Variants in EHBP1 observed in about 807,000 individuals in gnomAD.
EHBP1 encodes the protein EH domain-binding protein 1.
Under a neutral mutation model 144.0 loss-of-function variants are expected in EHBP1, and 55 were observed. The observed-to-expected ratio is 0.38, with a 90% CI of 0.31 to 0.48. The LOEUF (loss-of-function observed/expected upper bound fraction) is 0.48. Ranked by LOEUF, EHBP1 falls within the 20% of genes least tolerant of loss-of-function variation. The pLI is 0.98. For synonymous variants in EHBP1, 469 were observed against 472.7 expected (o/e 0.99, Z 0.10); for missense variants, 1,200 against 1,364.2 (o/e 0.88, Z 1.90).
At chr2:62,904,798 G>A (rs994902365) in intron 10 of EHBP1, among the ~76,000 whole-genome samples, 2 of 151,860 alleles carry the variant, frequency 1.3e-5, no homozygotes, top group South Asian at 2.1e-4. Context: ...CTTTTTTTGC[G>A]GGGGATGGAG....
intron 5 of EHBP1, among the ~76,000 whole-genome samples, chr2:62,802,970 C>T (rs558979140): frequency 3.9e-5 from 6 of 152,254 alleles, no homozygotes; most frequent in Non-Finnish European, 7.4e-5. Context: ...GGTGATCCGC[C>T]CACGTTGGCC....
intron 3 of EHBP1, 37 bp from the exon 4 acceptor site, chr2:62,764,229 A>G (rs760532238): frequency 7.2e-7 from 1 of 1,396,554 alleles, no homozygotes; most frequent in East Asian, 2.5e-5. Context: ...TGCATTTCCC[A>G]TACTTCATAT....
At chr2:62,849,453 C>G (rs2048526204) in intron 7 of EHBP1, among the ~76,000 whole-genome samples, 1 of 152,106 alleles carries the variant, frequency 6.6e-6, no homozygotes. Flanking sequence ...AACTACCCAG[C>G]TAGGTCCAGT....
chr2:62,867,713 T>C (rs1040385112), intron 9 of EHBP1, among the ~76,000 whole-genome samples: 4 of 152,144 alleles, frequency 2.6e-5, no homozygotes, highest in African/African-American at 9.7e-5. Context: ...CAGCTGTTTA[T>C]AAAATGTATG....
At chr2:63,032,955 A>T (rs543968650) in intron 19 of EHBP1, among the ~76,000 whole-genome samples, 1 of 152,340 alleles carries the variant, frequency 6.6e-6, no homozygotes, top group Admixed American at 6.5e-5. Flanking sequence ...AAGACAATTA[A>T]ACTGCTGAAA....
chr2:62,991,110 T>C (rs567381814), intron 16 of EHBP1, among the ~76,000 whole-genome samples: 3 of 152,090 alleles, frequency 2.0e-5, no homozygotes, highest in African/African-American at 7.2e-5. Context: ...CCAGGCATGG[T>C]GGTGCATGAC....
intron 1 of EHBP1, among the ~76,000 whole-genome samples, chr2:62,677,839 A>T (rs1282382012): frequency 6.6e-6 from 1 of 152,228 alleles, no homozygotes; most frequent in Non-Finnish European, 1.5e-5. Flanking sequence ...TTGGCTGAAT[A>T]GTACTCCACT....
rs185004910 is a variant in EHBP1 at position 62,950,447 on chromosome 2, C to T, written c.2316+1285C>T. ...TTACAAAATATGTAAAATACTGCCACCCTTCTCAATTTTTGTTTTTAAAGT... is the reference window on the plus strand; with the variant it reads ...TTACAAAATATGTAAAATACTGCCATCCTTCTCAATTTTTGTTTTTAAAGT... On this transcript the variant is annotated intron_variant, in intron 13 of 22. Transcript: ENST00000431489. Among the ~76,000 whole-genome samples the T allele has an allele frequency of 2.8e-4, 43 of 152,186 alleles. No individual in the cohort carries two copies. The East Asian group carries it at 7.7e-3, about 27-fold the overall frequency.
intron 15 of EHBP1, among the ~76,000 whole-genome samples, chr2:62,982,105 A>C (rs2058999292): frequency 6.6e-6 from 1 of 152,198 alleles, no homozygotes; most frequent in South Asian, 2.1e-4. Flanking sequence ...TCTAAGCCCT[A>C]GCTATTGAGA....
chr2:62,676,695 C>T (rs1192620556), intron 1 of EHBP1, among the ~76,000 whole-genome samples: 2 of 152,070 alleles, frequency 1.3e-5, no homozygotes, highest in African/African-American at 4.8e-5. Flanking sequence ...GAAAAGCAGG[C>T]AGAAACCATA....
intron 3 of EHBP1, among the ~76,000 whole-genome samples, chr2:62,753,982 T>G (rs2040011007): frequency 6.6e-6 from 1 of 152,238 alleles, no homozygotes; most frequent in African/African-American, 2.4e-5. Context: ...TGAAGCCTTC[T>G]TCTCTCAACT....
intron 14 of EHBP1, among the ~76,000 whole-genome samples, chr2:62,963,646 G>A (rs892017953): frequency 3.9e-5 from 6 of 152,060 alleles, no homozygotes; most frequent in Admixed American, 1.3e-4. Context: ...TCTACTGTTA[G>A]GAAGAAGTAC....
intron 19 of EHBP1, among the ~76,000 whole-genome samples, chr2:63,017,945 C>G (rs1237971750): frequency 1.3e-5 from 2 of 152,162 alleles, no homozygotes; most frequent in Non-Finnish European, 2.9e-5. Flanking sequence ...AGGAGGATTG[C>G]TTGAAGCCAA....
chr2:62,710,959 A>G (rs1237489488), intron 2 of EHBP1, among the ~76,000 whole-genome samples: 7 of 152,186 alleles, frequency 4.6e-5, no homozygotes, highest in Admixed American at 4.6e-4. Context: ...GCCTTGATGT[A>G]AATAACCTAC....
chr2:62,703,277 G>A (rs2034331450), upstream of EHBP1, among the ~76,000 whole-genome samples: 1 of 152,070 alleles, frequency 6.6e-6, no homozygotes, highest in Admixed American at 6.5e-5. Context: ...TGAGGTGGGA[G>A]GACTGCTTGA....
intron 5 of EHBP1, among the ~76,000 whole-genome samples, chr2:62,801,156 T>C (rs1041236482): frequency 3.9e-5 from 6 of 152,248 alleles, no homozygotes; most frequent in African/African-American, 1.4e-4. Flanking sequence ...ATTCATCTTG[T>C]TAACCACTAA....
intron 1 of EHBP1, among the ~76,000 whole-genome samples, chr2:62,698,872 T>A (rs1333025194): frequency 1.3e-5 from 2 of 152,242 alleles, no homozygotes; most frequent in Non-Finnish European, 2.9e-5. Flanking sequence ...GAAAGCTGGG[T>A]TTATTTTCCA....
intron 10 of EHBP1, among the ~76,000 whole-genome samples, chr2:62,932,072 G>C (rs985640855): frequency 2.8e-4 from 42 of 152,006 alleles, no homozygotes; most frequent in Non-Finnish European, 5.3e-4. Flanking sequence ...AGCTACTTGG[G>C]AGGGTAAGGA....
intron 10 of EHBP1, among the ~76,000 whole-genome samples, chr2:62,920,150 G>A (rs1195094327): frequency 2.6e-5 from 4 of 152,092 alleles, no homozygotes; most frequent in Non-Finnish European, 4.4e-5. Context: ...CAAGTAGGAT[G>A]AACTCAAAAA....
Sources: allele counts gnomAD v4.1 joint callset (sites outside exome capture counted in the v4.1 genomes callset), GRCh38; gene constraint gnomAD v4.1.1; transcripts MANE v1.5; gene names NCBI Gene and HGNC (gene_info 2026-07-23, HGNC 2026-07-21).